Variants in HNRNPR observed in about 807,000 individuals in gnomAD.
HNRNPR encodes heterogeneous nuclear ribonucleoprotein R.
Under a neutral mutation model 70.3 loss-of-function variants are expected in HNRNPR, and 4 were observed. The observed-to-expected ratio is 0.06, with a 90% CI of 0.03 to 0.13. HNRNPR has a LOEUF of 0.13. Ranked by LOEUF, HNRNPR falls within the 10% of genes least tolerant of loss-of-function variation. The pLI is 1.00. For missense variants in HNRNPR, 423 were observed against 788.5 expected (o/e 0.54, Z 5.55); for synonymous variants, 241 against 267.6 (o/e 0.90, Z 0.97).
intron 4 of HNRNPR, among the ~76,000 whole-genome samples, chr1:23,336,728 C>A (rs1646505855): frequency 1.5e-5 from 2 of 132,108 alleles, no homozygotes; most frequent in South Asian, 4.3e-4. Flanking sequence ...CTACTGCACT[C>A]CAGCACTCCA....
At chr1:23,324,750 T>C (rs992280310) in intron 5 of HNRNPR, among the ~76,000 whole-genome samples, 4 of 152,160 alleles carry the variant, frequency 2.6e-5, no homozygotes, top group African/African-American at 9.6e-5. Context: ...TAAATTATAA[T>C]ATACAATGAT....
chr1:23,342,326 A>T (rs1214194315), intron 1 of HNRNPR, among the ~76,000 whole-genome samples: 2 of 152,144 alleles, frequency 1.3e-5, no homozygotes, highest in African/African-American at 4.8e-5. Flanking sequence ...CCAAGAGGGG[A>T]AGGAGGTAAT....
rs1645281881 is a variant in HNRNPR at position 23,310,360 on chromosome 1, A to C, written c.*94T>G. On this transcript the variant is annotated 3_prime_UTR_variant, in exon 11 of 11. Coordinates refer to ENST00000302271, the MANE Select transcript of HNRNPR (RefSeq NM_005826.5). The surrounding 1 kb of genome is among the most constrained non-coding windows in gnomAD (Gnocchi z 6.0). The stretch of plus-strand genomic sequence containing the variant: ...TACAAATGGCAGCAAAATGCTACTT[A>C]AAGATGAAACAGTTAAGCCAATTTT... 1.6e-6 allele frequency: 2 copies of C among 1,219,788 alleles called. No individual in the cohort carries two copies. The highest frequency in any genetic ancestry group is 1.5e-5 in the South Asian group (1 of 65,412). The allele number at this position is 1,219,788 out of a possible 1,614,324, so 75.6% of individuals were successfully genotyped here. A position where few individuals can be genotyped will look rare whatever the true frequency, so the allele number is the denominator to read the frequency against.
chr1:23,314,353 A>G (rs1390715453), intron 8 of HNRNPR, among the ~76,000 whole-genome samples: 1 of 152,162 alleles, frequency 6.6e-6, no homozygotes, highest in Non-Finnish European at 1.5e-5. Flanking sequence ...TAGGAGCCAT[A>G]AGAATGTTAT....
chr1:23,333,402 A>G (rs1313562781), intron 5 of HNRNPR, 116 bp downstream of exon 5: 1 of 601,300 alleles, frequency 1.7e-6, no homozygotes, highest in Admixed American at 2.8e-5. Context: ...AAAAACTAAC[A>G]ACAGCTACAC....
At chr1:23,335,855 C>T (rs1285027446) in intron 4 of HNRNPR, among the ~76,000 whole-genome samples, 2 of 152,008 alleles carry the variant, frequency 1.3e-5, no homozygotes, top group African/African-American at 2.4e-5. Context: ...CGGTGGCTCA[C>T]GCCTGTAATC....
chr1:23,343,980 G>A (rs1045898291), intron 1 of HNRNPR, among the ~76,000 whole-genome samples: 9 of 152,246 alleles, frequency 5.9e-5, no homozygotes, highest in African/African-American at 2.2e-4. Context: ...CAGCGGGCCG[G>A]ACCGCGGGCT....
At position 23,307,507 on chromosome 1, in the gene HNRNPR, A is replaced by G. The variant is rs1372038084; in HGVS notation, c.*2947T>C. 2 of 152,104 alleles carry G rather than the reference A, an allele frequency of 1.3e-5. No individual in the cohort carries two copies. The highest frequency in any genetic ancestry group is 1.3e-4 in the Admixed American group (2 of 15,276). 9.4% of individuals were successfully genotyped at this position (152,104 alleles called of 1,614,324 possible). On this transcript the variant is annotated 3_prime_UTR_variant, in exon 11 of 11. Transcript: ENST00000302271. ...AACCCCAGTAACTAAAAAAACCTGA[A>G]AAACAATTATGCTGAACTCATTTTA... is the stretch of plus-strand genomic sequence containing the variant.
At position 23,309,730 on chromosome 1, in the gene HNRNPR, G is replaced by A. The variant is rs972726853; in HGVS notation, c.*724C>T. 1.3e-5 allele frequency: 2 copies of A among 152,484 alleles called. No homozygotes were observed. The highest frequency in any genetic ancestry group is 2.9e-5 in the Non-Finnish European group (2 of 67,982). 9.4% of individuals were successfully genotyped at this position (152,484 alleles called of 1,614,324 possible). A position where few individuals can be genotyped will look rare whatever the true frequency, so the allele number is the denominator to read the frequency against. On this transcript the variant is annotated 3_prime_UTR_variant, in exon 11 of 11. Coordinates refer to ENST00000302271, the MANE Select transcript of HNRNPR (RefSeq NM_005826.5). ...TTATACTTTGAAAACAATATTCCTT[G>A]CAAGGATTACGAATAAAATAATGTT... is the stretch of plus-strand genomic sequence containing the variant.
chr1:23,323,160 G>A (rs1027320650), intron 6 of HNRNPR, among the ~76,000 whole-genome samples: 1 of 152,154 alleles, frequency 6.6e-6, no homozygotes, highest in African/African-American at 2.4e-5. Flanking sequence ...CTAAGTCACT[G>A]TCATCCACTA....
intron 6 of HNRNPR, among the ~76,000 whole-genome samples, 169 bp from the exon 7 acceptor site, chr1:23,321,832 C>T (rs1269983607): frequency 1.3e-5 from 2 of 152,176 alleles, no homozygotes; most frequent in Non-Finnish European, 2.9e-5. Context: ...TTCATTGTTA[C>T]AGTCTCTTGT....
At position 23,306,895 on chromosome 1, in the gene HNRNPR, C is replaced by T. The variant is rs886260739; in HGVS notation, c.*3559G>A. 4 of 152,116 alleles carry T rather than the reference C, an allele frequency of 2.6e-5. No homozygotes were observed. Among genetic ancestry groups the T allele is most frequent in the Admixed American group, 6.5e-5 (1 of 15,270 alleles). 9.4% of individuals were successfully genotyped at this position (152,116 alleles called of 1,614,324 possible). Reference sequence around the variant, plus strand: ...GTCAGTCATCCAATCTACTGGTTTCCTCAGAACAACTCCACCCCTAAGTTA... The same window carrying T: ...GTCAGTCATCCAATCTACTGGTTTCTTCAGAACAACTCCACCCCTAAGTTA... On this transcript the variant is annotated 3_prime_UTR_variant, in exon 11 of 11. Transcript: ENST00000302271.
rs1645646867 is a variant in HNRNPR, at chr1:23,318,830, A to T, written c.812-142T>A. The T allele has an allele frequency of 4.3e-6, 3 of 692,682 alleles. No individual in the cohort carries two copies. Among genetic ancestry groups the T allele is most frequent in the Non-Finnish European group, 7.4e-6 (3 of 407,264 alleles). The allele number at this position is 692,682 out of a possible 1,614,324, so 42.9% of individuals were successfully genotyped here. On this transcript the variant is annotated intron_variant, in intron 7 of 10. Transcript: ENST00000302271. The surrounding 1 kb of genome is among the most constrained non-coding windows in gnomAD (Gnocchi z 4.2). The stretch of plus-strand genomic sequence containing the variant: ...AGTCACTAATTTTGTAGACAATTAG[A>T]TCAACATAATTAGATATGGGGTTTG...
chr1:23,331,834 TAAAAAAAAAAAAAAAA>T (rs59006948), intron 5 of HNRNPR, among the ~76,000 whole-genome samples: 2 of 59,242 alleles, frequency 3.4e-5, no homozygotes, highest in South Asian at 2.9e-3. Context: ...ACTGTTTCTT[TAAAAAAAAAAAAAAAA>T]AAAAAAAAAA....
Position 23,323,568 on chromosome 1 carries a change from T to C in HNRNPR, c.663A>G (p.Glu221=). ...AATTATCACATACCAGTTTCACGGC[T>C]TCCTGTGCAGCTTCCTTTCCACAGA... The part of the protein sequence containing the change: ...ITFCGKEAAQ[E]AVKLCDSYEI... Residue 221 remains glutamate (E), a synonymous_variant, in exon 6 of 11, where the codon GAA becomes GAG. Transcript: ENST00000302271. 1 of 1,613,632 alleles carries C rather than the reference T, an allele frequency of 6.2e-7. No homozygotes were observed. Among genetic ancestry groups the C allele is most frequent in the South Asian group, 1.1e-5 (1 of 91,040 alleles).
At chr1:23,337,951 G>C (rs1434529418) in intron 3 of HNRNPR, 90 bp from the exon 4 acceptor site, 2 of 804,848 alleles carry the variant, frequency 2.5e-6, no homozygotes, top group Non-Finnish European at 4.0e-6. Flanking sequence ...AGAAAACCAG[G>C]ATTTTAACAA....
intron 6 of HNRNPR, among the ~76,000 whole-genome samples, chr1:23,323,099 T>C (rs1645823302): frequency 6.6e-6 from 1 of 152,160 alleles, no homozygotes; most frequent in Admixed American, 6.5e-5. Context: ...ATCGTATGAG[T>C]AGGCTGTAAC....
rs1295698159 is a variant in HNRNPR, at chr1:23,309,450, C to T, written c.*1004G>A. The T allele has an allele frequency of 6.6e-6, 1 of 151,904 alleles. No homozygotes were observed. Among genetic ancestry groups the T allele is most frequent in the Non-Finnish European group, 1.5e-5 (1 of 67,962 alleles). The allele number at this position is 151,904 out of a possible 1,614,324, so 9.4% of individuals were successfully genotyped here. A position where few individuals can be genotyped will look rare whatever the true frequency, so the allele number is the denominator to read the frequency against. Reference sequence around the variant, plus strand: ...GTCAAAATAAATTGCAGTCTGCTTTCCCAGCCACATTTTATTTGTTTTAAT... The same window carrying T: ...GTCAAAATAAATTGCAGTCTGCTTTTCCAGCCACATTTTATTTGTTTTAAT... On this transcript the variant is annotated 3_prime_UTR_variant, in exon 11 of 11. Coordinates refer to ENST00000302271, the MANE Select transcript of HNRNPR (RefSeq NM_005826.5).
chr1:23,324,625 C>T (rs186364766), intron 5 of HNRNPR, among the ~76,000 whole-genome samples: 281 of 152,060 alleles, frequency 1.8e-3, no homozygotes, highest in African/African-American at 6.6e-3. Context: ...AACTCCAGTG[C>T]TTCAATCTAT....
Sources: gnomAD v4.1 joint callset for allele counts (sites outside exome capture counted in the v4.1 genomes callset) on GRCh38, gnomAD v4.1.1 for gene constraint, Gnocchi (gnomAD v3.1) non-coding constraint, MANE v1.5 for transcripts, NCBI Gene and HGNC (gene_info 2026-07-23, HGNC 2026-07-21) for gene names.